Variants in SLCO1A2 observed in about 807,000 individuals in gnomAD.
SLCO1A2 encodes the protein OATP-1.
Under a neutral mutation model 69.0 loss-of-function variants are expected in SLCO1A2, and 67 were observed. The observed-to-expected ratio is 0.97, with a 90% CI of 0.80 to 1.19. The LOEUF is 1.19. Among genes scored for constraint, SLCO1A2 ranks in the 50% most tolerant of loss-of-function variants. The probability of loss-of-function intolerance (pLI) is 0.00; values close to 1 mark genes in which losing one functional copy is unlikely to be tolerated. For missense variants in SLCO1A2, 787 were observed against 793.7 expected, an observed-to-expected ratio of 0.99 and a Z score of 0.10; for synonymous variants, 260 against 265.9, an observed-to-expected ratio of 0.98 and a Z score of 0.22.
intron 1 of SLCO1A2, among the ~76,000 whole-genome samples, chr12:21,381,106 A>G (rs1161252211): frequency 2.0e-5 from 3 of 152,142 alleles, no homozygotes; most frequent in Non-Finnish European, 2.9e-5. Flanking sequence ...AAAAAATGAC[A>G]GAGTTTAACT....
At chr12:21,379,895 T>C (rs1037004706) in intron 1 of SLCO1A2, 3 of 152,098 alleles carry the variant, frequency 2.0e-5, no homozygotes, top group Non-Finnish European at 4.4e-5. Flanking sequence ...CGGTAGTGAG[T>C]GTATAGAGGC....
At chr12:21,398,821 A>C (rs1348110635), upstream of SLCO1A2, among the ~76,000 whole-genome samples, 1 of 148,588 alleles carries the variant, frequency 6.7e-6, no homozygotes. Flanking sequence ...ACAAAATTCA[A>C]CAACCCTTCA....
chr12:21,289,538 G>A (rs1333861668), intron 12 of SLCO1A2, among the ~76,000 whole-genome samples: 3 of 152,064 alleles, frequency 2.0e-5, no homozygotes, highest in Non-Finnish European at 4.4e-5. Flanking sequence ...CTTGAACTAG[G>A]AGATTTGATG....
At chr12:21,342,896 T>TG (rs1953120907) in intron 2 of SLCO1A2, among the ~76,000 whole-genome samples, 1 of 151,926 alleles carries the variant, frequency 6.6e-6, no homozygotes. Context: ...TACCAGTACT[T>TG]GCGATAAAAA....
At chr12:21,283,173 A>G (rs1945116985) in intron 12 of SLCO1A2, among the ~76,000 whole-genome samples, 1 of 152,160 alleles carries the variant, frequency 6.6e-6, no homozygotes, top group Admixed American at 6.6e-5. Context: ...AATTTATATC[A>G]CAGACCTATA....
chr12:21,357,356 C>A (rs1938450926), intron 2 of SLCO1A2, among the ~76,000 whole-genome samples: 1 of 152,146 alleles, frequency 6.6e-6, no homozygotes, highest in Non-Finnish European at 1.5e-5. Context: ...TGCTGCTTCT[C>A]CAAACCAACA....
chr12:21,294,531 A>G (rs1433191756), intron 10 of SLCO1A2: 1 of 152,610 alleles, frequency 6.6e-6, no homozygotes, highest in East Asian at 1.9e-4. Context: ...CTCCAGAAAC[A>G]TAGGTATTTG....
At chr12:21,290,853 C>T (rs1047145793) in intron 12 of SLCO1A2, among the ~76,000 whole-genome samples, 1 of 151,998 alleles carries the variant, frequency 6.6e-6, no homozygotes, top group Non-Finnish European at 1.5e-5. Context: ...TCATAAATGG[C>T]ACTGTAAAAG....
chr12:21,413,220 C>G (rs1323451736), intron 1 of SLCO1A2, among the ~76,000 whole-genome samples: 1 of 118,802 alleles, frequency 8.4e-6, no homozygotes, highest in Admixed American at 8.7e-5. Context: ...ATACTTTCTT[C>G]TTTTCTTTTT....
chr12:21,411,468 T>C (rs930555468), intron 1 of SLCO1A2, among the ~76,000 whole-genome samples: 2 of 152,176 alleles, frequency 1.3e-5, no homozygotes, highest in African/African-American at 4.8e-5. Flanking sequence ...CTGTGTCAAT[T>C]TATCTATCCT....
In SLCO1A2 at chr12:21,400,886, GGGA is replaced by G. The variant is rs758236699; in HGVS notation, c.-312+16993_-312+16995del. On this transcript the variant is annotated intron_variant, in intron 1 of 4. Transcript: ENST00000413682. ...ACTCTGGGGACTGTTGTGGGGTGGG[GGGA>G]GGGGGGAGGGATAGCATCGGGAGAT... Among the ~76,000 whole-genome samples, 209 of 105,004 alleles carry G rather than the reference GGGA, an allele frequency of 2.0e-3. 2 individuals are homozygous for G. Among genetic ancestry groups the G allele is most frequent in the Admixed American group, 2.9e-3 (26 of 8,854 alleles). 68.9% of individuals were successfully genotyped at this position (105,004 alleles called of 152,430 possible).
chr12:21,277,319 GAGA>G (rs1324193006), intron 12 of SLCO1A2, among the ~76,000 whole-genome samples: 1 of 151,052 alleles, frequency 6.6e-6, no homozygotes, highest in African/African-American at 2.4e-5. Context: ...CTGTCTTGAA[GAGA>G]AGGACTCAGT....
Position 21,269,001 on chromosome 12 carries a change from ATGAG to A in SLCO1A2, c.*543_*546del, listed in dbSNP as rs1942353866. 1 of 152,032 alleles carries A rather than the reference ATGAG, an allele frequency of 6.6e-6. No homozygotes were observed. The highest frequency in any genetic ancestry group is 2.4e-5 in the African/African-American group (1 of 41,450). 9.4% of individuals were successfully genotyped at this position (152,032 alleles called of 1,614,324 possible). On this transcript the variant is annotated 3_prime_UTR_variant, in exon 15 of 15. Transcript: ENST00000683939. ...AAATTGAAAGTAGGAGGGTATATTTATGAGTAATCTATTATATAGGAGTCATGCC... is the reference window on the plus strand; with the variant it reads ...AAATTGAAAGTAGGAGGGTATATTTATAATCTATTATATAGGAGTCATGCC...
intron 1 of SLCO1A2, among the ~76,000 whole-genome samples, chr12:21,400,890 G>T (rs535782561): frequency 2.5e-5 from 2 of 80,866 alleles, no homozygotes; most frequent in Non-Finnish European, 4.7e-5. Context: ...GGTGGGGGGA[G>T]GGGGGAGGGA....
chr12:21,332,239 G>C (rs1211174702), intron 2 of SLCO1A2, among the ~76,000 whole-genome samples: 1 of 152,072 alleles, frequency 6.6e-6, no homozygotes, highest in Non-Finnish European at 1.5e-5. Flanking sequence ...GTTCAATTGG[G>C]AAGGTCAAGA....
intron 3 of SLCO1A2, among the ~76,000 whole-genome samples, chr12:21,315,294 G>A (rs1040350588): frequency 3.2e-4 from 48 of 152,106 alleles, no homozygotes; most frequent in Non-Finnish European, 1.3e-4. Context: ...CAGTGAGTCT[G>A]GATTTGAGGA....
chr12:21,289,948 A>G (rs1224228385), intron 12 of SLCO1A2, among the ~76,000 whole-genome samples: 16 of 152,090 alleles, frequency 1.1e-4, no homozygotes, highest in Admixed American at 1.0e-3. Context: ...TAGGAAAATA[A>G]TACACACATC....
intron 14 of SLCO1A2, chr12:21,274,145 G>A (rs2136087798): frequency 5.8e-6 from 1 of 172,184 alleles, no homozygotes; most frequent in African/African-American, 2.4e-5. Context: ...AGAGCCTTTA[G>A]AGAGCAATAT....
chr12:21,392,687 TA>T (rs1941221699), intron 1 of SLCO1A2, among the ~76,000 whole-genome samples: 2 of 152,220 alleles, frequency 1.3e-5, no homozygotes, highest in South Asian at 4.1e-4. Context: ...AGAGTTTTCA[TA>T]AAACCTCTTC....
Sources: allele counts gnomAD v4.1 joint callset (sites outside exome capture counted in the v4.1 genomes callset), GRCh38; gene constraint gnomAD v4.1.1; transcripts MANE v1.5; gene names NCBI Gene and HGNC (gene_info 2026-07-23, HGNC 2026-07-21).